The following NAALADL2 variants were observed in gnomAD, a reference collection of about 807,000 sequenced individuals.
NAALADL2 encodes the protein N-acetylated alpha-linked acidic dipeptidase like 2.
Under a neutral mutation model 87.2 loss-of-function variants are expected in NAALADL2, and 76 were observed. The observed-to-expected ratio is 0.87, with a 90% CI of 0.72 to 1.05. NAALADL2 has a LOEUF of 1.05. Ranked by LOEUF, NAALADL2 falls within the 50% of genes least tolerant of loss-of-function variation. NAALADL2 has a pLI of 0.00. For synonymous variants in NAALADL2, 354 were observed against 331.0 expected (o/e 1.07, Z -0.75); for missense variants, 1,089 against 945.8 (o/e 1.15, Z -1.99).
At chr3:174,717,192 G>A (rs1170276174) in intron 2 of NAALADL2, among the ~76,000 whole-genome samples, 2 of 152,248 alleles carry the variant, frequency 1.3e-5, no homozygotes, top group African/African-American at 4.8e-5. Context: ...AGGGAGGAAA[G>A]AGAACAGATC....
chr3:175,121,053 A>G (rs929197332), intron 2 of NAALADL2, among the ~76,000 whole-genome samples: 1 of 151,784 alleles, frequency 6.6e-6, no homozygotes, highest in Non-Finnish European at 1.5e-5. Flanking sequence ...GGTATCCTAC[A>G]TTCTTGTCAA....
chr3:174,883,058 A>G (rs1729627627), intron 1 of NAALADL2, among the ~76,000 whole-genome samples: 1 of 152,054 alleles, frequency 6.6e-6, no homozygotes, highest in Admixed American at 6.6e-5. Flanking sequence ...CCGATGTTCA[A>G]GGGCAGGAAG....
chr3:175,052,495 A>T (rs2109026662), intron 1 of NAALADL2, among the ~76,000 whole-genome samples: 1 of 152,314 alleles, frequency 6.6e-6, no homozygotes, highest in Non-Finnish European at 1.5e-5. Context: ...ACATCTGCAG[A>T]CTATACAAAG....
chr3:174,596,224 T>C (rs991913773), intron 2 of NAALADL2, among the ~76,000 whole-genome samples: 16 of 152,126 alleles, frequency 1.1e-4, no homozygotes, highest in African/African-American at 3.9e-4. Flanking sequence ...CCTACTACTT[T>C]AGTGAAATTG....
chr3:174,833,719 A>G (rs537392547), intron 3 of NAALADL2, among the ~76,000 whole-genome samples: 1 of 152,108 alleles, frequency 6.6e-6, no homozygotes, highest in Non-Finnish European at 1.5e-5. Context: ...TAAAAGCAGG[A>G]TTTATTCCCA....
intron 2 of NAALADL2, among the ~76,000 whole-genome samples, chr3:175,221,897 C>T (rs2109356483): frequency 6.6e-6 from 1 of 152,094 alleles, no homozygotes; most frequent in South Asian, 2.1e-4. Context: ...GCCTCAGCCT[C>T]CCAAGTAGCT....
chr3:174,645,533 T>C (rs537212499), intron 2 of NAALADL2, among the ~76,000 whole-genome samples: 24 of 152,308 alleles, frequency 1.6e-4, no homozygotes, highest in Non-Finnish European at 2.9e-4. Flanking sequence ...GCCCATGTAA[T>C]TGGTAATGTT....
intron 9 of NAALADL2, among the ~76,000 whole-genome samples, chr3:175,510,282 A>G (rs1482580745): frequency 1.3e-5 from 2 of 152,026 alleles, no homozygotes; most frequent in Non-Finnish European, 2.9e-5. Flanking sequence ...ATTACCTCCC[A>G]CCAGCTCTCT....
chr3:174,680,213 G>A (rs1727412266), intron 2 of NAALADL2, among the ~76,000 whole-genome samples: 2 of 152,108 alleles, frequency 1.3e-5, no homozygotes, highest in African/African-American at 2.4e-5. Context: ...CTTTGATTAT[G>A]TAATTTACAA....
At chr3:175,567,802 G>A (rs1016671936) in intron 9 of NAALADL2, among the ~76,000 whole-genome samples, 2 of 149,946 alleles carry the variant, frequency 1.3e-5, no homozygotes, top group Non-Finnish European at 1.5e-5. Flanking sequence ...TGCAAGCTCC[G>A]CCTCCTGCAT....
intron 2 of NAALADL2, among the ~76,000 whole-genome samples, chr3:174,663,183 T>C (rs1049795283): frequency 2.0e-5 from 3 of 152,164 alleles, no homozygotes; most frequent in Non-Finnish European, 4.4e-5. Flanking sequence ...TAGTGAATAA[T>C]TGGAGAAAAC....
intron 3 of NAALADL2, among the ~76,000 whole-genome samples, chr3:174,742,156 T>C (rs1478753331): frequency 6.6e-6 from 1 of 151,734 alleles, no homozygotes; most frequent in Non-Finnish European, 1.5e-5. Context: ...TAAAACTCTT[T>C]AAAATTTTTC....
At chr3:175,307,450 T>C (rs2110273870) in intron 4 of NAALADL2, among the ~76,000 whole-genome samples, 1 of 152,274 alleles carries the variant, frequency 6.6e-6, no homozygotes, top group South Asian at 2.1e-4. Flanking sequence ...AAAATAAAGG[T>C]GTCTGGAATA....
chr3:175,266,938 T>C (rs1027238504), intron 4 of NAALADL2, among the ~76,000 whole-genome samples: 1 of 151,956 alleles, frequency 6.6e-6, no homozygotes, highest in Non-Finnish European at 1.5e-5. Context: ...ATTTTGATAC[T>C]TTGCTTTGTC....
chr3:175,073,230 G>A (rs1261499944), intron 1 of NAALADL2, among the ~76,000 whole-genome samples: 1 of 152,058 alleles, frequency 6.6e-6, no homozygotes, highest in East Asian at 1.9e-4. Flanking sequence ...GCTAATATCA[G>A]ATTTGTTTGT....
Position 174,628,547 on chromosome 3 carries a change from A to G in NAALADL2, c.-115+77910A>G, listed in dbSNP as rs148840712. On this transcript the variant is annotated intron_variant, in intron 2 of 3. Coordinates refer to the NAALADL2 transcript ENST00000434257. Reference sequence around the variant, plus strand: ...TTTATACATAAGAAAATTATGACCCAAACAGATTGAATGGCTTAATCAAGT... The same window carrying G: ...TTTATACATAAGAAAATTATGACCCGAACAGATTGAATGGCTTAATCAAGT... 2.9e-3 allele frequency among the ~76,000 whole-genome samples: 444 copies of G among 152,014 alleles called. 1 individual carries two copies. Among genetic ancestry groups the G allele is most frequent in the Admixed American group, 4.2e-3 (64 of 15,250 alleles).
At chr3:175,179,251 T>C (rs1736123025) in intron 2 of NAALADL2, among the ~76,000 whole-genome samples, 1 of 152,002 alleles carries the variant, frequency 6.6e-6, no homozygotes, top group South Asian at 2.1e-4. Flanking sequence ...TTTGTCTTTG[T>C]AATTCCAACA....
At chr3:175,758,263 A>G (rs1747533387) in intron 13 of NAALADL2, among the ~76,000 whole-genome samples, 1 of 152,054 alleles carries the variant, frequency 6.6e-6, no homozygotes, top group Non-Finnish European at 1.5e-5. Flanking sequence ...TCTAACTCAT[A>G]TAACAAACTT....
chr3:174,925,564 G>C (rs1471189560), intron 1 of NAALADL2, among the ~76,000 whole-genome samples: 2 of 152,036 alleles, frequency 1.3e-5, no homozygotes, highest in Admixed American at 6.6e-5. Context: ...GCTCTTTTTT[G>C]GTTCCATATG....
Sources: allele counts gnomAD v4.1 joint callset (sites outside exome capture counted in the v4.1 genomes callset), GRCh38; gene constraint gnomAD v4.1.1; transcripts MANE v1.5; gene names NCBI Gene and HGNC (gene_info 2026-07-23, HGNC 2026-07-21).